The following ZDHHC11 variants were observed in gnomAD, a reference collection of about 807,000 sequenced individuals.
ZDHHC11 encodes the protein zDHHC palmitoyltransferase 11, also known as palmitoyltransferase ZDHHC11.
A neutral mutation model predicts 51.3 loss-of-function variants in ZDHHC11; 44 were observed. The ratio of observed to expected loss-of-function variants is 0.86; its 90% CI spans 0.67 to 1.10. The LOEUF (loss-of-function observed/expected upper bound fraction) is 1.10. Ranked by LOEUF, ZDHHC11 falls within the 50% of genes least tolerant of loss-of-function variation. The pLI is 0.00. For synonymous variants in ZDHHC11, 163 were observed against 222.0 expected, an observed-to-expected ratio of 0.73 and a Z score of 2.36; for missense variants, 400 against 537.7, an observed-to-expected ratio of 0.74 and a Z score of 2.53.
intron 7 of ZDHHC11, among the ~76,000 whole-genome samples, chr5:831,373 C>G (rs1007959219): frequency 6.7e-6 from 1 of 149,434 alleles, no homozygotes; most frequent in Non-Finnish European, 1.5e-5. Context: ...CACTTGAAGT[C>G]AAGAGTTCAA....
chr5:815,478 T>A (rs1455453614), intron 10 of ZDHHC11, among the ~76,000 whole-genome samples: 7 of 151,678 alleles, frequency 4.6e-5, no homozygotes, highest in African/African-American at 9.7e-5. Flanking sequence ...TGCTCGCCAA[T>A]GTGGCATCAT....
chr5:824,022 G>A (rs1181707379), intron 8 of ZDHHC11: 1 of 454,330 alleles, frequency 2.2e-6, no homozygotes, highest in East Asian at 7.0e-5. Context: ...TCCAGGCTGG[G>A]CTGATCCCTT....
intron 5 of ZDHHC11, chr5:840,165 T>C (rs1425371759): frequency 5.0e-5 from 33 of 655,242 alleles, no homozygotes; most frequent in Non-Finnish European, 7.2e-5. Context: ...TGTTCTTGCC[T>C]AATAGATTCC....
chr5:817,304 G>A (rs1467610869), intron 10 of ZDHHC11, among the ~76,000 whole-genome samples: 1 of 151,390 alleles, frequency 6.6e-6, no homozygotes, highest in Non-Finnish European at 1.5e-5. Context: ...ATAGCTTTGT[G>A]CCATGCAGCA....
chr5:828,614 G>A (rs1481941289), intron 7 of ZDHHC11, among the ~76,000 whole-genome samples: 1 of 151,354 alleles, frequency 6.6e-6, no homozygotes, highest in Non-Finnish European at 1.5e-5. Context: ...AGGCAACAAA[G>A]AAACAATGAC....
rs1579530104 is a variant in ZDHHC11, at chr5:802,849, A to C, written c.1182-1685T>G. Among the ~76,000 whole-genome samples, 27 of 87,854 alleles carry C rather than the reference A, an allele frequency of 3.1e-4. No individual in the cohort carries two copies. In the East Asian group the frequency reaches 5.6e-3, roughly 18 times the overall value. The allele number at this position is 87,854 out of a possible 152,430, so 57.6% of individuals were successfully genotyped here. A position where few individuals can be genotyped will look rare whatever the true frequency, so the allele number is the denominator to read the frequency against. Reference sequence around the variant, plus strand: ...ACAAAAAAAAAAAAAAAAAAAAAAAAAAAAAAAAAAAAAAAAAAAAAAAAA... The same window carrying C: ...ACAAAAAAAAAAAAAAAAAAAAAAACAAAAAAAAAAAAAAAAAAAAAAAAA... On this transcript the variant is annotated intron_variant, in intron 11 of 12. Transcript: ENST00000283441.
intron 11 of ZDHHC11, among the ~76,000 whole-genome samples, chr5:809,014 C>CACACAGACACACAT (rs1554050773): frequency 7.2e-6 from 1 of 139,024 alleles, no homozygotes; most frequent in Non-Finnish European, 1.6e-5. Context: ...CACACACACA[C>CACACAGACACACAT]GCACACTATT....
intron 9 of ZDHHC11, among the ~76,000 whole-genome samples, chr5:820,228 G>A (rs1019425495): frequency 3.3e-5 from 5 of 151,218 alleles, no homozygotes; most frequent in African/African-American, 4.8e-5. Context: ...ATAGTTACAT[G>A]ATAGTTTGAA....
At chr5:845,004 A>C (rs1211101823) in intron 3 of ZDHHC11, among the ~76,000 whole-genome samples, 1,294 of 146,402 alleles carry the variant, frequency 8.8e-3, no homozygotes, top group African/African-American at 0.035. Context: ...ATGTTCACCT[A>C]AGCTTGTTTA....
chr5:811,941 T>A (rs1276607863), intron 11 of ZDHHC11, among the ~76,000 whole-genome samples: 1 of 138,842 alleles, frequency 7.2e-6, no homozygotes, highest in Non-Finnish European at 1.5e-5. Context: ...GAAATAAACG[T>A]GTAGAAACAG....
intron 11 of ZDHHC11, among the ~76,000 whole-genome samples, chr5:812,837 G>C (rs1357634359): frequency 1.3e-5 from 2 of 151,134 alleles, no homozygotes; most frequent in East Asian, 3.9e-4. Flanking sequence ...CATCATGAGA[G>C]GGTGAATTTC....
At chr5:821,565 C>T (rs1205538113) in intron 9 of ZDHHC11, among the ~76,000 whole-genome samples, 1 of 151,234 alleles carries the variant, frequency 6.6e-6, no homozygotes, top group East Asian at 1.9e-4. Flanking sequence ...GCAGCTCCCA[C>T]CAGGACAGAG....
chr5:820,657 G>A lies in ZDHHC11; in HGVS notation c.1059-1045C>T, dbSNP rs552293969. Among the ~76,000 whole-genome samples the A allele has an allele frequency of 3.3e-4, 50 of 151,400 alleles. 2 individuals are homozygous for A. Among genetic ancestry groups the A allele is most frequent in the African/African-American group, 8.7e-4 (36 of 41,358 alleles). On this transcript the variant is annotated intron_variant, in intron 9 of 12. Transcript: ENST00000283441. The stretch of plus-strand genomic sequence containing the variant: ...AGGACCTTTGCTGCCTCTCTGTGGG[G>A]GCTGTGATGTGGTCCCCTCCCAATG...
chr5:801,292 C>T (rs1267281200), intron 11 of ZDHHC11, 128 bp from the exon 12 acceptor site: 8 of 1,127,384 alleles, frequency 7.1e-6, no homozygotes, highest in Non-Finnish European at 1.0e-5. Flanking sequence ...TGGGCAATCA[C>T]TTCACCTCTC....
At chr5:799,893 C>T (rs1256007491) in intron 12 of ZDHHC11, among the ~76,000 whole-genome samples, 1 of 151,402 alleles carries the variant, frequency 6.6e-6, no homozygotes, top group African/African-American at 2.4e-5. Flanking sequence ...GTGGATTTGT[C>T]TTCTCATCTC....
At chr5:851,521 G>A (rs185340811), upstream of ZDHHC11, among the ~76,000 whole-genome samples, 59 of 152,346 alleles carry the variant, frequency 3.9e-4, 1 homozygote, top group African/African-American at 1.3e-3. Flanking sequence ...AAAACCTTCA[G>A]AAAATGAAGT....
chr5:816,578 CTAAT>C, intron 10 of ZDHHC11: 1 of 615,114 alleles, frequency 1.6e-6, no homozygotes, highest in Non-Finnish European at 3.2e-6. Flanking sequence ...GAATTTTTGT[CTAAT>C]TGACGGTCAC....
At chr5:834,579 C>G (rs1279958111) in intron 6 of ZDHHC11, among the ~76,000 whole-genome samples, 3 of 152,256 alleles carry the variant, frequency 2.0e-5, no homozygotes, top group African/African-American at 7.2e-5. Flanking sequence ...GTATTCTGGA[C>G]ATCAGTCTAA....
At chr5:809,193 G>A (rs1196046183) in intron 11 of ZDHHC11, among the ~76,000 whole-genome samples, 1 of 142,850 alleles carries the variant, frequency 7.0e-6, no homozygotes, top group African/African-American at 2.6e-5. Context: ...TCACATAACT[G>A]TCTGCCCATC....
Sources: gnomAD v4.1 joint callset for allele counts (sites outside exome capture counted in the v4.1 genomes callset) on GRCh38, gnomAD v4.1.1 for gene constraint, MANE v1.5 for transcripts, NCBI Gene and HGNC (gene_info 2026-07-23, HGNC 2026-07-21) for gene names.